Variants in PPP2R3B observed in about 807,000 individuals in gnomAD.
PPP2R3B encodes serine/threonine-protein phosphatase 2A regulatory subunit B'' subunit beta.
A neutral mutation model predicts 72.9 loss-of-function variants in PPP2R3B; 68 were observed. The ratio of observed to expected loss-of-function variants is 0.93; its 90% CI spans 0.77 to 1.14. The LOEUF is 1.14. Ranked by LOEUF, PPP2R3B falls within the 50% of genes most tolerant of loss-of-function variation. The probability of loss-of-function intolerance (pLI) is 0.00; values close to 1 mark genes in which losing one functional copy is unlikely to be tolerated. For missense variants in PPP2R3B, 1,018 were observed against 842.0 expected (o/e 1.21, Z -2.59); for synonymous variants, 466 against 375.8 (o/e 1.24, Z -2.78).
intron 1 of PPP2R3B, among the ~76,000 whole-genome samples, chrX:367,593 G>A (rs908164204): frequency 4.6e-5 from 7 of 152,162 alleles, no homozygotes; most frequent in African/African-American, 1.7e-4. Context: ...TAAACAGTGA[G>A]CTAGTAGGAA....
At chrX:364,586 A>C (rs5987287) in intron 1 of PPP2R3B, among the ~76,000 whole-genome samples, 57,914 of 121,064 alleles carry the variant, frequency 0.48, 15,345 homozygotes, top group African/African-American at 0.62. Flanking sequence ...GGTGTGGTGG[A>C]GGGTGCCTGT....
At chrX:358,332 C>A (rs934785808) in intron 2 of PPP2R3B, among the ~76,000 whole-genome samples, 2 of 152,230 alleles carry the variant, frequency 1.3e-5, no homozygotes, top group Non-Finnish European at 2.9e-5. Context: ...CGCCACAGCG[C>A]AGGTGGATTA....
intron 2 of PPP2R3B, among the ~76,000 whole-genome samples, chrX:351,845 G>A (rs776765811): frequency 3.9e-5 from 6 of 152,262 alleles, no homozygotes; most frequent in South Asian, 2.1e-4. Flanking sequence ...CCACAGGTGC[G>A]CGCTATCATG....
chrX:383,281 T>C (rs867833782), intron 1 of PPP2R3B, among the ~76,000 whole-genome samples: 1 of 152,046 alleles, frequency 6.6e-6, no homozygotes, highest in Non-Finnish European at 1.5e-5. Flanking sequence ...GAGAGGCTGG[T>C]CCATTTTGGC....
At chrX:370,157 C>CCGCT (rs1358225564) in intron 1 of PPP2R3B, among the ~76,000 whole-genome samples, 3 of 152,164 alleles carry the variant, frequency 2.0e-5, no homozygotes, top group Non-Finnish European at 4.4e-5. Context: ...CACAGAGGAG[C>CCGCT]CGAACACGGA....
At position 356,899 on chromosome X, in the gene PPP2R3B, C is replaced by G. The variant is rs1039670151; in HGVS notation, c.510+4506G>C. Among the ~76,000 whole-genome samples the G allele has an allele frequency of 3.6e-4, 42 of 117,992 alleles. 1 individual carries two copies. The highest frequency in any genetic ancestry group is 6.0e-5 in the Non-Finnish European group (3 of 49,638). The allele number at this position is 117,992 out of a possible 152,430, so 77.4% of individuals were successfully genotyped here. A position where few individuals can be genotyped will look rare whatever the true frequency, so the allele number is the denominator to read the frequency against. On this transcript the variant is annotated intron_variant, in intron 2 of 12. Transcript: ENST00000390665. ...TATCCACACCCCGCCAGCCACACAG[C>G]GAGCCCCACGGTAACCACGCCTTCG...
chrX:373,673 G>GGCTCTCCGCGGGCCGGGCCGGGCGCCGC (rs1212130930), intron 1 of PPP2R3B: 1 of 192,366 alleles, frequency 5.2e-6, no homozygotes, highest in Non-Finnish European at 1.1e-5. Context: ...CGGCGCGCAG[G>GGCTCTCCGCGGGCCGGGCCGGGCGCCGC]GCTCTCCGCG....
chrX:345,716 G>A, intron 6 of PPP2R3B, 44 bp from the exon 7 acceptor site: 1 of 1,482,644 alleles, frequency 6.7e-7, no homozygotes, highest in Non-Finnish European at 9.1e-7. Flanking sequence ...CCTCTGCGGG[G>A]ATGCCCCAAG....
At chrX:383,774 CTTGCAGTGAGCCGAGA>C (rs2072177246) in intron 1 of PPP2R3B, among the ~76,000 whole-genome samples, 2 of 129,754 alleles carry the variant, frequency 1.5e-5, no homozygotes, top group South Asian at 5.3e-4. Flanking sequence ...GGAGGCGGAG[CTTGCAGTGAGCCGAGA>C]TCGCGCCACT....
In PPP2R3B at chrX:347,619, G is replaced by A. The variant is rs183165056; in HGVS notation, c.585C>T (p.Ser195=). The A allele has an allele frequency of 7.6e-4, 1,208 of 1,579,392 alleles. 5 individuals carry two copies. The African/African-American group carries it at 9.3e-3, about 12-fold the overall frequency. The change falls in exon 3 of 13, where the codon TCC becomes TCT. Residue 195 remains serine, a synonymous_variant. Coordinates refer to ENST00000390665, the MANE Select transcript of PPP2R3B (RefSeq NM_013239.5). ...TCCACATGGCGACGAACTTGTGGAC[G>A]GACACGGAGCCCGTGCGCTCCCCGC... ...GAGGERTGSV[S]VHKFVAMWRK... is the part of the protein sequence containing the mutation.
intron 2 of PPP2R3B, among the ~76,000 whole-genome samples, chrX:353,325 G>C (rs990622127): frequency 6.6e-6 from 1 of 151,992 alleles, no homozygotes; most frequent in Non-Finnish European, 1.5e-5. Flanking sequence ...AGTGAGGTGA[G>C]ATGGTGCCAT....
chrX:346,269 G>T lies in PPP2R3B; in HGVS notation c.793-9C>A, dbSNP rs1300386432. On this transcript the variant is annotated splice_polypyrimidine_tract_variant and intron_variant, in intron 5 of 12. Transcript: ENST00000390665. Reference sequence around the variant, plus strand: ...AAGATCCGCTGGATGACCTGCGGGGGCGCTGTCAGTGCGGTGGGTGCGCAG... The same window carrying T: ...AAGATCCGCTGGATGACCTGCGGGGTCGCTGTCAGTGCGGTGGGTGCGCAG... The T allele has an allele frequency of 1.3e-6, 2 of 1,560,902 alleles. No individual in the cohort carries two copies. The highest frequency in any genetic ancestry group is 8.7e-7 in the Non-Finnish European group (1 of 1,154,422).
intron 1 of PPP2R3B, among the ~76,000 whole-genome samples, chrX:364,280 C>G (rs368460519): frequency 6.6e-6 from 1 of 152,158 alleles, no homozygotes; most frequent in African/African-American, 2.4e-5. Flanking sequence ...GCTGCTGGTA[C>G]GAGCTGGGCA....
intron 3 of PPP2R3B, 51 bp downstream of exon 3, chrX:347,538 CG>C: frequency 1.3e-6 from 2 of 1,524,540 alleles, no homozygotes; most frequent in African/African-American, 1.4e-5. Context: ...CACGGGGACC[CG>C]GGGACGCCTC....
chrX:386,566 G>A lies in PPP2R3B; in HGVS notation c.126C>T (p.Pro42=), dbSNP rs748948011. The part of the protein sequence containing the change: ...LQDCLRRIKA[P]GRDQPTPGDG... Reference sequence around the variant, plus strand: ...CCCCCGGGGTCGGCTGGTCCCGCCCGGGCGCCTTGATCCGGCGCAGGCAGT... The same window carrying A: ...CCCCCGGGGTCGGCTGGTCCCGCCCAGGCGCCTTGATCCGGCGCAGGCAGT... Residue 42 remains proline (P), a synonymous_variant, in exon 1 of 13, where the codon CCC becomes CCT. Coordinates refer to ENST00000390665, the MANE Select transcript of PPP2R3B (RefSeq NM_013239.5). The A allele has an allele frequency of 1.4e-6, 2 of 1,440,210 alleles. No homozygotes were observed. The highest frequency in any genetic ancestry group is 1.8e-6 in the Non-Finnish European group (2 of 1,095,548). 89.2% of individuals were successfully genotyped at this position (1,440,210 alleles called of 1,614,324 possible). A position where few individuals can be genotyped will look rare whatever the true frequency, so the allele number is the denominator to read the frequency against.
At chrX:338,520 A>C (rs2070952446) in intron 12 of PPP2R3B, 84 bp downstream of exon 12, 1 of 391,124 alleles carries the variant, frequency 2.6e-6, no homozygotes, top group African/African-American at 2.6e-5. Context: ...CTGCACACAC[A>C]CCCGTCCTCC....
chrX:346,970 G>T (rs1280972426), intron 4 of PPP2R3B, among the ~76,000 whole-genome samples, 195 bp from the exon 5 acceptor site: 3 of 149,090 alleles, frequency 2.0e-5, no homozygotes, highest in African/African-American at 7.5e-5. Flanking sequence ...TGGTGTAGAC[G>T]CGGGCCCTCC....
At chrX:346,364 G>C in intron 5 of PPP2R3B, 104 bp from the exon 6 acceptor site, 1 of 1,136,860 alleles carries the variant, frequency 8.8e-7, no homozygotes, top group African/African-American at 1.5e-5. Context: ...GGTCTCAGCC[G>C]CACGGGGCCG....
In PPP2R3B at chrX:346,179, G is replaced by A. The variant is rs1214084439; in HGVS notation, c.874C>T (p.Leu292=). 15 of 1,558,564 alleles carry A rather than the reference G, an allele frequency of 9.6e-6. No homozygotes were observed. The highest frequency in any genetic ancestry group is 1.2e-5 in the South Asian group (1 of 84,896). Residue 292 remains leucine (L), a synonymous_variant, in exon 6 of 13, where the codon CTG becomes TTG. Transcript: ENST00000390665. ...GACAGGGGGCCGCTCCGCACCTGCA[G>A]GAAGGAGCTCCTCCGCAGCTCGGCG... The part of the protein sequence containing the change: ...TCAELRRSSF[L]QNVALLEEEA...
Sources: gnomAD v4.1 joint callset for allele counts (sites outside exome capture counted in the v4.1 genomes callset) on GRCh38, gnomAD v4.1.1 for gene constraint, MANE v1.5 for transcripts, NCBI Gene and HGNC (gene_info 2026-07-23, HGNC 2026-07-21) for gene names.